Variants in HESX1 observed in about 807,000 individuals in gnomAD.
The protein encoded by HESX1 is HESX homeobox 1.
HESX1 carries 11 observed loss-of-function variants against 22.5 expected under a neutral mutation model. The ratio of observed to expected loss-of-function variants is 0.49; its 90% CI spans 0.31 to 0.81. The LOEUF is 0.81. HESX1 is among the 30% of genes least tolerant of loss of function. The pLI, the probability that HESX1 is intolerant of heterozygous loss-of-function variation, is 0.05. For synonymous variants in HESX1, 74 were observed against 76.5 expected (o/e 0.97, Z 0.17); for missense variants, 201 against 212.6 (o/e 0.95, Z 0.34).
At chr3:57,205,689 A>G (rs2060516033) in intron 1 of HESX1, among the ~76,000 whole-genome samples, 1 of 152,000 alleles carries the variant, frequency 6.6e-6, no homozygotes, top group Non-Finnish European at 1.5e-5. Flanking sequence ...ATTTGCTCAA[A>G]TATCATCTTC....
chr3:57,226,188 T>A (rs1423050970), intron 1 of HESX1: 2 of 152,266 alleles, frequency 1.3e-5, no homozygotes, highest in East Asian at 3.9e-4. Context: ...TTTTTTTTTT[T>A]CTTTCTTATA....
upstream of HESX1, among the ~76,000 whole-genome samples, chr3:57,204,938 A>G (rs541391153): frequency 6.6e-6 from 1 of 152,304 alleles, no homozygotes; most frequent in South Asian, 2.1e-4. Context: ...CAGGAGAAAA[A>G]TCTGGAGATA....
upstream of HESX1, among the ~76,000 whole-genome samples, chr3:57,200,872 T>C (rs1245425306): frequency 6.6e-6 from 1 of 152,196 alleles, no homozygotes; most frequent in Non-Finnish European, 1.5e-5. Flanking sequence ...GTAAGGCTTA[T>C]GAAAATAACC....
intron 1 of HESX1, among the ~76,000 whole-genome samples, chr3:57,215,525 T>G (rs983059921): frequency 1.3e-5 from 2 of 152,078 alleles, no homozygotes; most frequent in Admixed American, 6.6e-5. Context: ...TCCCAGCACT[T>G]CTGGAGGCTG....
chr3:57,209,554 T>C lies in HESX1; in HGVS notation c.-110-9526A>G, dbSNP rs150447261. Among the ~76,000 whole-genome samples the C allele has an allele frequency of 7.3e-3, 1,114 of 151,826 alleles. 8 individuals are homozygous for C. The highest frequency in any genetic ancestry group is 0.011 in the Non-Finnish European group (746 of 67,952). On this transcript the variant is annotated intron_variant, in intron 1 of 2. Transcript: ENST00000495160. ...TGGGAGGCTGAGGCAGCAGAATTGC[T>C]TGAACTCCGGAGGTGGAGGTTGCAG... is the stretch of plus-strand genomic sequence containing the variant.
intron 1 of HESX1, among the ~76,000 whole-genome samples, chr3:57,225,974 G>A (rs1047826667): frequency 2.0e-5 from 3 of 150,854 alleles, no homozygotes; most frequent in African/African-American, 7.3e-5. Flanking sequence ...GGGCCTCCCG[G>A]CTTCAACTGA....
At chr3:57,208,364 T>C (rs1201539622) in intron 1 of HESX1, among the ~76,000 whole-genome samples, 4 of 152,020 alleles carry the variant, frequency 2.6e-5, no homozygotes, top group African/African-American at 9.7e-5. Context: ...GATTGATTGA[T>C]TGATTGAGAT....
upstream of HESX1, among the ~76,000 whole-genome samples, chr3:57,200,305 G>T (rs1033168547): frequency 6.6e-6 from 1 of 152,142 alleles, no homozygotes; most frequent in Non-Finnish European, 1.5e-5. Flanking sequence ...TTTTTATTCT[G>T]AAGTTTATAC....
At chr3:57,209,574 T>C (rs533994401) in intron 1 of HESX1, among the ~76,000 whole-genome samples, 12 of 149,056 alleles carry the variant, frequency 8.1e-5, no homozygotes, top group African/African-American at 2.7e-4. Context: ...GAGGTGGAGG[T>C]TGCAGTGAGC....
At chr3:57,225,622 T>TG (rs1175866737) in intron 1 of HESX1, among the ~76,000 whole-genome samples, 1 of 152,142 alleles carries the variant, frequency 6.6e-6, no homozygotes, top group Non-Finnish European at 1.5e-5. Context: ...ATTACAGGCG[T>TG]GAGCCCCACC....
upstream of HESX1, among the ~76,000 whole-genome samples, chr3:57,226,697 G>A (rs970509857): frequency 6.6e-6 from 1 of 152,220 alleles, no homozygotes; most frequent in Non-Finnish European, 1.5e-5. Flanking sequence ...CCATGTATCT[G>A]TGGAACCAGG....
In HESX1 at chr3:57,199,920, C is replaced by T. The variant is rs1446953787; in HGVS notation, c.-2G>A. On this transcript the variant is annotated 5_prime_UTR_variant, in exon 1 of 4. Transcript: ENST00000295934. ...GCCTTCCTGAAGGCTGGGAGACATC[C>T]TCTCGTGGTCTGCACAGAGCAACAG... 6.2e-7 allele frequency: 1 copy of T among 1,613,666 alleles called. No individual in the cohort carries two copies. Among genetic ancestry groups the T allele is most frequent in the Non-Finnish European group, 8.5e-7 (1 of 1,179,812 alleles).
intron 1 of HESX1, among the ~76,000 whole-genome samples, chr3:57,212,292 G>A (rs1355039033): frequency 3.3e-5 from 5 of 152,050 alleles, no homozygotes; most frequent in African/African-American, 1.2e-4. Flanking sequence ...TGGGCGTGGT[G>A]GCTCACACCT....
Position 57,198,890 on chromosome 3 carries a change from C to T in HESX1, c.220G>A (p.Val74Met), listed in dbSNP as rs148422263. The change falls in exon 2 of 4, where the codon GTG (valine) becomes ATG (methionine). Residue 74 changes from valine (V) to methionine (M), a missense_variant. Physicochemically the swap from Val to Met is conservative, Grantham distance 21. Coordinates refer to ENST00000295934, the MANE Select transcript of HESX1 (RefSeq NM_003865.3). The part of the protein sequence containing the change: ...NPPSGISFPS[V>M]VDHPMPEERA... ...TCTTCTGGCATTGGGTGATCCACCA[C>T]GCTAGGGAATGAAATCCCACTGGGA... is the stretch of plus-strand genomic sequence containing the variant. The T allele has an allele frequency of 9.9e-5, 160 of 1,613,952 alleles. No individual in the cohort carries two copies. The highest frequency in any genetic ancestry group is 1.2e-4 in the Non-Finnish European group (145 of 1,180,002).
chr3:57,217,901 C>T (rs1277043165), intron 1 of HESX1, among the ~76,000 whole-genome samples: 1 of 152,118 alleles, frequency 6.6e-6, no homozygotes, highest in Non-Finnish European at 1.5e-5. Context: ...CTCATCTTCA[C>T]AGGCTCTGAA....
intron 1 of HESX1, among the ~76,000 whole-genome samples, chr3:57,222,661 C>G (rs1490040157): frequency 1.3e-5 from 2 of 152,146 alleles, no homozygotes; most frequent in Non-Finnish European, 2.9e-5. Context: ...TCTACCCACT[C>G]ACCACCCGCC....
intron 1 of HESX1, among the ~76,000 whole-genome samples, chr3:57,210,050 T>G (rs1441686405): frequency 6.6e-6 from 1 of 152,194 alleles, no homozygotes; most frequent in East Asian, 1.9e-4. Flanking sequence ...TTAATGGCCA[T>G]TGTAACATCT....
chr3:57,198,721 T>C (rs756501937), intron 2 of HESX1, 32 bp downstream of exon 2: 10 of 1,600,410 alleles, frequency 6.2e-6, no homozygotes, highest in Non-Finnish European at 8.6e-6. Context: ...AAAGCCTTTA[T>C]ATTATCATTA....
chr3:57,202,057 T>C (rs991370976), upstream of HESX1, among the ~76,000 whole-genome samples: 5 of 151,810 alleles, frequency 3.3e-5, no homozygotes, highest in Admixed American at 6.6e-5. Flanking sequence ...TAGCTGGGAC[T>C]ACAGGCGCCC....
Sources: allele counts gnomAD v4.1 joint callset (sites outside exome capture counted in the v4.1 genomes callset), GRCh38; gene constraint gnomAD v4.1.1; transcripts MANE v1.5; gene names NCBI Gene and HGNC (gene_info 2026-07-23, HGNC 2026-07-21).